The following PRSS23 variants were observed in gnomAD, a reference collection of about 807,000 sequenced individuals.
PRSS23 encodes the protein serine protease 23.
Under a neutral mutation model 34.7 loss-of-function variants are expected in PRSS23, and 25 were observed. The ratio of observed to expected loss-of-function variants is 0.72; its 90% confidence interval spans 0.53 to 1.01. The LOEUF (loss-of-function observed/expected upper bound fraction) is 1.01. Ranked by LOEUF, PRSS23 falls within the 50% of genes least tolerant of loss-of-function variation. PRSS23 has a pLI of 0.00. For missense variants in PRSS23, 445 were observed against 475.6 expected, an observed-to-expected ratio of 0.94 and a Z score of 0.60; for synonymous variants, 176 against 186.6, an observed-to-expected ratio of 0.94 and a Z score of 0.46.
intron 1 of PRSS23, among the ~76,000 whole-genome samples, chr11:86,822,620 TAAAAAAAA>T (rs113888066): frequency 9.8e-6 from 1 of 102,058 alleles, no homozygotes; most frequent in Non-Finnish European, 2.1e-5. Context: ...TGAACCTGAC[TAAAAAAAA>T]AAAAAAAAAA....
At chr11:86,828,107 C>T (rs1404011921) in intron 2 of PRSS23, among the ~76,000 whole-genome samples, 1 of 152,144 alleles carries the variant, frequency 6.6e-6, no homozygotes, top group Non-Finnish European at 1.5e-5. Flanking sequence ...TAAAGTCTCC[C>T]ATTATTATTG....
At chr11:86,928,698 A>T (rs1176661494) in intron 2 of PRSS23, among the ~76,000 whole-genome samples, 8 of 101,248 alleles carry the variant, frequency 7.9e-5, no homozygotes, top group East Asian at 6.7e-4. Context: ...AAAAAAAAAA[A>T]AAAAAAAATT....
At chr11:86,926,894 C>A (rs1949085359) in intron 2 of PRSS23, among the ~76,000 whole-genome samples, 2 of 152,284 alleles carry the variant, frequency 1.3e-5, no homozygotes, top group East Asian at 3.9e-4. Context: ...GCAAAAAGCT[C>A]ATGCGTTACT....
intron 2 of PRSS23, among the ~76,000 whole-genome samples, chr11:86,827,405 T>C (rs2555543): frequency 0.027 from 4,120 of 152,356 alleles, 74 homozygotes; most frequent in Middle Eastern, 0.044. Flanking sequence ...TTAGTCTTGC[T>C]AGCAGTCTAT....
intron 2 of PRSS23, among the ~76,000 whole-genome samples, chr11:86,894,455 T>C (rs772373074): frequency 1.3e-5 from 2 of 152,216 alleles, no homozygotes; most frequent in African/African-American, 2.4e-5. Context: ...AGAATCTTTT[T>C]GTTGCCCATT....
intron 2 of PRSS23, chr11:86,925,057 G>T (rs915877806): frequency 2.0e-5 from 3 of 152,170 alleles, no homozygotes; most frequent in African/African-American, 7.2e-5. Flanking sequence ...TTGGCCCTGT[G>T]GGGGTGAGCT....
intron 2 of PRSS23, among the ~76,000 whole-genome samples, chr11:86,869,944 G>A (rs1325541663): frequency 1.3e-5 from 2 of 152,176 alleles, no homozygotes; most frequent in Non-Finnish European, 2.9e-5. Context: ...TACTCACAGA[G>A]TTTAACTGAT....
downstream of PRSS23, among the ~76,000 whole-genome samples, chr11:86,811,677 G>A (rs1480883688): frequency 1.3e-5 from 2 of 152,158 alleles, no homozygotes; most frequent in Non-Finnish European, 2.9e-5. Context: ...CCAATTCCCT[G>A]TTCTTTGTGT....
At chr11:86,868,979 C>T (rs1022242728) in intron 2 of PRSS23, among the ~76,000 whole-genome samples, 5 of 151,984 alleles carry the variant, frequency 3.3e-5, no homozygotes, top group Non-Finnish European at 7.4e-5. Flanking sequence ...GCCCAGCTAA[C>T]CTTTTGTATT....
chr11:86,939,403 A>AAAAAATATAT (rs60997928), intron 2 of PRSS23, among the ~76,000 whole-genome samples: 2 of 80,540 alleles, frequency 2.5e-5, no homozygotes, highest in Admixed American at 1.4e-4. Flanking sequence ...TAAAAAAAAA[A>AAAAAATATAT]ATATATATAT....
In PRSS23 at chr11:86,809,660, C is replaced by G. The variant is rs1299200977; in HGVS notation, c.*865C>G. On this transcript the variant is annotated 3_prime_UTR_variant, in exon 2 of 2. Transcript: ENST00000280258. Reference sequence around the variant, plus strand: ...ACAGGCTGTATTTCCTCCCAGCAAACAGTTGTGGCCACACTAAAAACAATC... The same window carrying G: ...ACAGGCTGTATTTCCTCCCAGCAAAGAGTTGTGGCCACACTAAAAACAATC... 6.0e-6 allele frequency: 1 copy of G among 166,990 alleles called. No homozygotes were observed. Among genetic ancestry groups the G allele is most frequent in the Non-Finnish European group, 1.5e-5 (1 of 68,104 alleles). 10.3% of individuals were successfully genotyped at this position (166,990 alleles called of 1,614,324 possible). A position where few individuals can be genotyped will look rare whatever the true frequency, so the allele number is the denominator to read the frequency against.
At chr11:86,823,348 T>G (rs1354339228) in intron 1 of PRSS23, 8 of 699,610 alleles carry the variant, frequency 1.1e-5, no homozygotes, top group Middle Eastern at 2.6e-4. Flanking sequence ...GACTTTGAAC[T>G]TGCTGTCTCT....
At chr11:86,874,854 G>A (rs989525424) in intron 2 of PRSS23, among the ~76,000 whole-genome samples, 1 of 152,140 alleles carries the variant, frequency 6.6e-6, no homozygotes, top group African/African-American at 2.4e-5. Flanking sequence ...TGAGTCATCT[G>A]GAGGCTTCTT....
intron 2 of PRSS23, among the ~76,000 whole-genome samples, chr11:86,897,038 C>A (rs1948881691): frequency 6.6e-6 from 1 of 152,078 alleles, no homozygotes; most frequent in African/African-American, 2.4e-5. Context: ...AATACATGGC[C>A]CAATTATTTG....
At chr11:86,817,612 C>T (rs549989470) in intron 1 of PRSS23, among the ~76,000 whole-genome samples, 1 of 152,264 alleles carries the variant, frequency 6.6e-6, no homozygotes, top group Non-Finnish European at 1.5e-5. Flanking sequence ...TGCCACTGGC[C>T]AGTTGACTTT....
chr11:86,845,415 T>A (rs1590891142), intron 2 of PRSS23, among the ~76,000 whole-genome samples: 1 of 152,334 alleles, frequency 6.6e-6, no homozygotes, highest in East Asian at 1.9e-4. Flanking sequence ...TTAAATTCAC[T>A]TTGTCTTTAC....
upstream of PRSS23, chr11:86,800,517 G>T: frequency 2.0e-6 from 2 of 984,546 alleles, no homozygotes; most frequent in Non-Finnish European, 2.4e-6. Flanking sequence ...CCCGCCAGCT[G>T]CCTGCGCTGC....
chr11:86,880,393 T>C (rs1377522817), intron 2 of PRSS23, among the ~76,000 whole-genome samples: 2 of 151,552 alleles, frequency 1.3e-5, no homozygotes, highest in African/African-American at 2.4e-5. Flanking sequence ...ACTATTGTCC[T>C]ATGACCCTGC....
intron 2 of PRSS23, among the ~76,000 whole-genome samples, chr11:86,853,920 G>A (rs565760836): frequency 3.3e-5 from 5 of 152,206 alleles, no homozygotes; most frequent in Non-Finnish European, 7.4e-5. Context: ...CCTAATGTGT[G>A]GTATCACATT....
Sources: allele counts gnomAD v4.1 joint callset (sites outside exome capture counted in the v4.1 genomes callset), GRCh38; gene constraint gnomAD v4.1.1; transcripts MANE v1.5; gene names NCBI Gene and HGNC (gene_info 2026-07-23, HGNC 2026-07-21).